Variants in TRAPPC8 observed in about 807,000 individuals in gnomAD.
TRAPPC8 encodes trafficking protein particle complex subunit 8.
A neutral mutation model predicts 174.3 loss-of-function variants in TRAPPC8; 54 were observed. The observed-to-expected ratio is 0.31, with a 90% CI of 0.25 to 0.39. TRAPPC8 has a LOEUF of 0.39. Ranked by LOEUF, TRAPPC8 falls within the 10% of genes least tolerant of loss-of-function variation. TRAPPC8 has a pLI of 1.00. For missense variants in TRAPPC8, 1,531 were observed against 1,699.1 expected (o/e 0.90, Z 1.74); for synonymous variants, 630 against 579.9 (o/e 1.09, Z -1.24).
At chr18:31,852,379 G>A (rs543519182) in intron 24 of TRAPPC8, 67 bp downstream of exon 24, 2 of 1,575,966 alleles carry the variant, frequency 1.3e-6, no homozygotes, top group Non-Finnish European at 1.7e-6. Context: ...GATAAGCCTT[G>A]CCAAAAATAC....
At chr18:31,904,457 G>A (rs2036575485) in intron 9 of TRAPPC8, among the ~76,000 whole-genome samples, 1 of 152,078 alleles carries the variant, frequency 6.6e-6, no homozygotes, top group South Asian at 2.1e-4. Context: ...GCTGAGAGGG[G>A]AGAATAGCAG....
At chr18:31,893,959 C>A (rs1031604215) in intron 11 of TRAPPC8, among the ~76,000 whole-genome samples, 2 of 152,134 alleles carry the variant, frequency 1.3e-5, no homozygotes, top group Admixed American at 1.3e-4. Flanking sequence ...AAGAATATCC[C>A]CTGAGAATAT....
intron 2 of TRAPPC8, among the ~76,000 whole-genome samples, chr18:31,920,103 C>T (rs1376996484): frequency 6.6e-6 from 1 of 152,062 alleles, no homozygotes; most frequent in East Asian, 1.9e-4. Context: ...TGAAAATTAT[C>T]GTTAAATAGA....
Position 31,867,624 on chromosome 18 carries a change from GTTT to G in TRAPPC8, c.2389-151_2389-149del, listed in dbSNP as rs61041771. 1,154 of 613,498 alleles carry G rather than the reference GTTT, an allele frequency of 1.9e-3. 11 individuals carry two copies. In the African/African-American group the frequency reaches 0.019, roughly 10 times the overall value. 38.0% of individuals were successfully genotyped at this position (613,498 alleles called of 1,614,324 possible). A position where few individuals can be genotyped will look rare whatever the true frequency, so the allele number is the denominator to read the frequency against. Reference sequence around the variant, plus strand: ...CCACATGCTGAGCTCTACACAAAGTGTTTTTATTTCCACAACTAGAGTAGACCC... The same window carrying G: ...CCACATGCTGAGCTCTACACAAAGTGTTATTTCCACAACTAGAGTAGACCC... On this transcript the variant is annotated intron_variant, in intron 16 of 28. Transcript: ENST00000283351.
At chr18:31,902,437 A>G (rs1408544475) in intron 9 of TRAPPC8, among the ~76,000 whole-genome samples, 1 of 152,146 alleles carries the variant, frequency 6.6e-6, no homozygotes, top group Admixed American at 6.5e-5. Flanking sequence ...GCAGCATCTT[A>G]CCCCCAGTGT....
intron 2 of TRAPPC8, among the ~76,000 whole-genome samples, chr18:31,923,948 A>G (rs964091138): frequency 6.6e-6 from 1 of 151,964 alleles, no homozygotes; most frequent in Non-Finnish European, 1.5e-5. Context: ...GGAGTTCAAG[A>G]CAAGCCTGGC....
chr18:31,865,181 T>G (rs1238124577), intron 18 of TRAPPC8, among the ~76,000 whole-genome samples: 1 of 152,120 alleles, frequency 6.6e-6, no homozygotes, highest in Non-Finnish European at 1.5e-5. Flanking sequence ...AAAGGTCAAC[T>G]TTTTACTTTT....
intron 11 of TRAPPC8, among the ~76,000 whole-genome samples, chr18:31,894,186 A>T (rs1432353785): frequency 6.6e-6 from 1 of 152,190 alleles, no homozygotes; most frequent in Non-Finnish European, 1.5e-5. Flanking sequence ...TCTAGAGCTG[A>T]ATACCATGTT....
intron 25 of TRAPPC8, among the ~76,000 whole-genome samples, chr18:31,848,043 T>A (rs1164243348): frequency 6.6e-6 from 1 of 152,070 alleles, no homozygotes; most frequent in East Asian, 1.9e-4. Context: ...ACTTTTCAAG[T>A]TTTCTTTAAT....
chr18:31,898,517 TA>T (rs1236264833), intron 10 of TRAPPC8, among the ~76,000 whole-genome samples: 18 of 152,272 alleles, frequency 1.2e-4, no homozygotes, highest in Admixed American at 9.8e-4. Context: ...AACAGAAAAA[TA>T]TAAACATGTC....
chr18:31,909,936 CTCCAACTCACACCTACTATAT>C (rs2036837741), intron 5 of TRAPPC8, among the ~76,000 whole-genome samples, 176 bp from the exon 6 acceptor site: 1 of 152,136 alleles, frequency 6.6e-6, no homozygotes, highest in Non-Finnish European at 1.5e-5. Flanking sequence ...TATTCTATCA[CTCCAACTCACACCTACTATAT>C]TCTTAAATCC....
intron 12 of TRAPPC8, among the ~76,000 whole-genome samples, chr18:31,882,805 T>C (rs1191139384): frequency 6.6e-6 from 1 of 151,046 alleles, no homozygotes; most frequent in Non-Finnish European, 1.5e-5. Flanking sequence ...TTAATAGAGA[T>C]GGGATTCCAC....
chr18:31,915,619 G>A (rs1004310449), intron 4 of TRAPPC8, among the ~76,000 whole-genome samples: 5 of 150,816 alleles, frequency 3.3e-5, no homozygotes, highest in South Asian at 2.1e-4. Context: ...AAATGAAGCC[G>A]GGCGTGGTGG....
chr18:31,848,417 G>A (rs974288346), intron 25 of TRAPPC8, among the ~76,000 whole-genome samples: 1 of 152,136 alleles, frequency 6.6e-6, no homozygotes. Context: ...TAAACCTATT[G>A]AATGAAGACA....
chr18:31,918,067 A>G (rs1333608703), intron 2 of TRAPPC8, among the ~76,000 whole-genome samples: 1 of 152,162 alleles, frequency 6.6e-6, no homozygotes, highest in East Asian at 1.9e-4. Flanking sequence ...TGGGGGTTGA[A>G]GTGAGCTGAA....
In TRAPPC8 at chr18:31,942,906, AG is replaced by A. The variant is rs1217614259; in HGVS notation, c.-143del. ...AACGCACTGGAGCCTAGAAACAAGAAGGAACAGACGCCGCCGCTTCGGTTTC... is the reference window on the plus strand; with the variant it reads ...AACGCACTGGAGCCTAGAAACAAGAAGAACAGACGCCGCCGCTTCGGTTTC... On this transcript the variant is annotated 5_prime_UTR_variant, in exon 1 of 29. Transcript: ENST00000283351. The A allele has an allele frequency of 4.6e-5, 57 of 1,241,890 alleles. No homozygotes were observed. The highest frequency in any genetic ancestry group is 5.4e-5 in the Non-Finnish European group (54 of 993,362). 76.9% of individuals were successfully genotyped at this position (1,241,890 alleles called of 1,614,324 possible).
intron 19 of TRAPPC8, among the ~76,000 whole-genome samples, chr18:31,858,553 C>T (rs568563204): frequency 8.5e-5 from 13 of 152,156 alleles, no homozygotes; most frequent in Admixed American, 7.2e-4. Flanking sequence ...ATATTCTTTC[C>T]CATTTAGTGT....
chr18:31,902,992 G>A (rs1201203462), intron 9 of TRAPPC8, among the ~76,000 whole-genome samples: 2 of 151,216 alleles, frequency 1.3e-5, no homozygotes, highest in African/African-American at 4.9e-5. Context: ...GGAGCCTGCA[G>A]TGAGCCGAGA....
At chr18:31,854,122 T>C (rs956529255) in intron 21 of TRAPPC8, among the ~76,000 whole-genome samples, 177 bp from the exon 22 acceptor site, 1 of 152,170 alleles carries the variant, frequency 6.6e-6, no homozygotes. Flanking sequence ...TTCAGAGACA[T>C]CAACATTTTG....
Sources: gnomAD v4.1 joint callset for allele counts (sites outside exome capture counted in the v4.1 genomes callset) on GRCh38, gnomAD v4.1.1 for gene constraint, MANE v1.5 for transcripts, NCBI Gene and HGNC (gene_info 2026-07-23, HGNC 2026-07-21) for gene names.